METTL15: variants seen among roughly 807,000 people sequenced by gnomAD.
METTL15 encodes 12S rRNA N(4)-cytidine methyltransferase METTL15.
A neutral mutation model predicts 38.3 loss-of-function variants in METTL15; 34 were observed. The ratio of observed to expected loss-of-function variants is 0.89; its 90% CI spans 0.68 to 1.18. The LOEUF (loss-of-function observed/expected upper bound fraction) is 1.18. METTL15 is among the 50% of genes most tolerant of loss of function. The probability of loss-of-function intolerance (pLI) is 0.00; values close to 1 mark genes in which losing one functional copy is unlikely to be tolerated. For missense variants in METTL15, 438 were observed against 498.4 expected (o/e 0.88, Z 1.15); for synonymous variants, 162 against 170.9 (o/e 0.95, Z 0.41).
At chr11:28,225,369 G>A (rs1168253156) in intron 4 of METTL15, among the ~76,000 whole-genome samples, 2 of 151,804 alleles carry the variant, frequency 1.3e-5, no homozygotes, top group African/African-American at 4.8e-5. Context: ...TTATCTTTAA[G>A]ATAAATATGC....
At chr11:28,400,233 CTT>C (rs11316701) in intron 5 of METTL15, among the ~76,000 whole-genome samples, 3 of 150,230 alleles carry the variant, frequency 2.0e-5, no homozygotes, top group Non-Finnish European at 4.4e-5. Context: ...CAAATTTTCT[CTT>C]TTTTTTTTCA....
intron 3 of METTL15, among the ~76,000 whole-genome samples, chr11:28,129,238 G>A (rs1176059889): frequency 6.6e-6 from 1 of 152,068 alleles, no homozygotes; most frequent in African/African-American, 2.4e-5. Flanking sequence ...TGAATAAGTG[G>A]TTATCTTGAA....
At chr11:28,392,350 A>G (rs1371426855) in intron 5 of METTL15, among the ~76,000 whole-genome samples, 2 of 152,164 alleles carry the variant, frequency 1.3e-5, no homozygotes, top group Non-Finnish European at 2.9e-5. Flanking sequence ...ATAAGGCTAA[A>G]GTAATTAAAA....
chr11:28,353,545 A>T (rs543618127), intron 4 of METTL15, among the ~76,000 whole-genome samples: 5 of 152,166 alleles, frequency 3.3e-5, no homozygotes, highest in Non-Finnish European at 7.3e-5. Context: ...GAATGAAGGA[A>T]AGATGAGGTA....
chr11:28,120,992 T>A (rs1852211929), intron 3 of METTL15, among the ~76,000 whole-genome samples: 1 of 152,212 alleles, frequency 6.6e-6, no homozygotes, highest in African/African-American at 2.4e-5. Flanking sequence ...ATGGGTCATC[T>A]GTCATCTCAA....
At chr11:28,208,103 A>G (rs933831935) in intron 3 of METTL15, among the ~76,000 whole-genome samples, 1 of 151,830 alleles carries the variant, frequency 6.6e-6, no homozygotes, top group African/African-American at 2.4e-5. Context: ...TTATGTCTCT[A>G]TTTCCTTCAG....
Position 28,254,256 on chromosome 11 carries a change from C to T in METTL15, c.408-35950C>T, listed in dbSNP as rs544894354. Among the ~76,000 whole-genome samples, 8 of 152,106 alleles carry T rather than the reference C, an allele frequency of 5.3e-5. 1 individual carries two copies. The South Asian group carries it at 6.2e-4, about 12-fold the overall frequency. On this transcript the variant is annotated intron_variant, in intron 4 of 6. Transcript: ENST00000407364. ...TGATGTTGAGCATCTTTTTATATACCTGTTTGCTATTTGTATGTCTTCTTT... is the reference window on the plus strand; with the variant it reads ...TGATGTTGAGCATCTTTTTATATACTTGTTTGCTATTTGTATGTCTTCTTT...
intron 5 of METTL15, among the ~76,000 whole-genome samples, chr11:28,389,141 T>C (rs1850473893): frequency 6.6e-6 from 1 of 152,062 alleles, no homozygotes; most frequent in South Asian, 2.1e-4. Flanking sequence ...TCAATAAACA[T>C]ACGTGTGCAT....
At chr11:28,528,682 G>A (rs1056003715), downstream of METTL15, among the ~76,000 whole-genome samples, 5 of 152,150 alleles carry the variant, frequency 3.3e-5, no homozygotes, top group African/African-American at 1.2e-4. Flanking sequence ...ACTTTGCCAC[G>A]ATTTTCCAAA....
chr11:28,266,457 G>A (rs1855423420), intron 4 of METTL15, among the ~76,000 whole-genome samples: 1 of 152,128 alleles, frequency 6.6e-6, no homozygotes, highest in Non-Finnish European at 1.5e-5. Flanking sequence ...ACTATCACAA[G>A]GACAAGAGAT....
At chr11:28,208,881 A>G (rs1852494333) in intron 3 of METTL15, among the ~76,000 whole-genome samples, 1 of 152,044 alleles carries the variant, frequency 6.6e-6, no homozygotes, top group Admixed American at 6.6e-5. Flanking sequence ...ACATGTGATG[A>G]ACAATGAATA....
intron 6 of METTL15, among the ~76,000 whole-genome samples, chr11:28,315,915 C>T (rs1857463863): frequency 6.6e-6 from 1 of 152,168 alleles, no homozygotes; most frequent in Admixed American, 6.5e-5. Context: ...GGAACCTCTG[C>T]CTAGATTTCA....
chr11:28,497,839 T>G (rs1010233067), intron 6 of METTL15, among the ~76,000 whole-genome samples: 1 of 151,958 alleles, frequency 6.6e-6, no homozygotes, highest in African/African-American at 2.4e-5. Context: ...CAGGCAGATC[T>G]CTTGAGGCCA....
chr11:28,422,215 A>G (rs906236767), intron 5 of METTL15, among the ~76,000 whole-genome samples: 2 of 152,160 alleles, frequency 1.3e-5, no homozygotes, highest in African/African-American at 4.8e-5. Context: ...AAGCTATTAC[A>G]TGTTTATGGA....
At chr11:28,291,607 T>G (rs1450061175) in intron 5 of METTL15, among the ~76,000 whole-genome samples, 1 of 152,188 alleles carries the variant, frequency 6.6e-6, no homozygotes, top group African/African-American at 2.4e-5. Flanking sequence ...TTCCTAAGTG[T>G]TATACCTTCT....
chr11:28,422,081 C>T (rs534150715), intron 5 of METTL15, among the ~76,000 whole-genome samples: 4 of 151,966 alleles, frequency 2.6e-5, no homozygotes, highest in African/African-American at 7.2e-5. Context: ...AAAGTAATTC[C>T]ATTTACAATA....
At chr11:28,532,430 T>C in the METTL15 span, among the ~76,000 whole-genome samples, 1 of 152,106 alleles carries the variant, frequency 6.6e-6, no homozygotes, top group Non-Finnish European at 1.5e-5. Context: ...TGTCTGTGGG[T>C]ATAAATATGT....
chr11:28,209,025 T>C (rs939893762), intron 3 of METTL15, among the ~76,000 whole-genome samples: 1 of 152,004 alleles, frequency 6.6e-6, no homozygotes, highest in African/African-American at 2.4e-5. Flanking sequence ...TGACTGGTAG[T>C]AATAGATTTT....
At chr11:28,293,180 T>C (rs1470983248) in intron 5 of METTL15, among the ~76,000 whole-genome samples, 1 of 152,240 alleles carries the variant, frequency 6.6e-6, no homozygotes, top group Non-Finnish European at 1.5e-5. Context: ...AAGGTTTTTA[T>C]GGTTTTAGGT....
Sources: gnomAD v4.1 joint callset for allele counts (sites outside exome capture counted in the v4.1 genomes callset) on GRCh38, gnomAD v4.1.1 for gene constraint, MANE v1.5 for transcripts, NCBI Gene and HGNC (gene_info 2026-07-23, HGNC 2026-07-21) for gene names.